CHD6: variants seen among roughly 807,000 people sequenced by gnomAD.
CHD6 encodes the protein ATP-dependent chromatin remodeler CHD6.
A neutral mutation model predicts 276.9 loss-of-function variants in CHD6; 50 were observed. The observed-to-expected ratio is 0.18, with a 90% CI of 0.14 to 0.23. The LOEUF (loss-of-function observed/expected upper bound fraction) is 0.23, where lower values mean the gene tolerates loss of function less well. CHD6 is among the 10% of genes least tolerant of loss of function. The pLI, the probability that CHD6 is intolerant of heterozygous loss-of-function variation, is 1.00. For missense variants in CHD6, 2,564 were observed against 3,365.8 expected (o/e 0.76, Z 5.89); for synonymous variants, 1,173 against 1,229.3 (o/e 0.95, Z 0.96).
At chr20:41,540,500 A>AGACAATCCATGTTTCTCCC (rs2044920496) in intron 2 of CHD6, among the ~76,000 whole-genome samples, 1 of 152,254 alleles carries the variant, frequency 6.6e-6, no homozygotes, top group Non-Finnish European at 1.5e-5. Flanking sequence ...CTGTTTTACC[A>AGACAATCCATGTTTCTCCC]GACAATCCAT....
At chr20:41,574,728 T>A (rs150892054) in intron 1 of CHD6, among the ~76,000 whole-genome samples, 1 of 152,304 alleles carries the variant, frequency 6.6e-6, no homozygotes, top group East Asian at 1.9e-4. Flanking sequence ...GGCTGTTTTA[T>A]CTTGTAAGCC....
chr20:41,472,748 C>A (rs574813911), intron 17 of CHD6, among the ~76,000 whole-genome samples: 45 of 152,240 alleles, frequency 3.0e-4, no homozygotes, highest in African/African-American at 1.1e-3. Context: ...CCAATCTTTG[C>A]AGTAATCTTT....
chr20:41,579,516 C>T (rs1001865592), intron 1 of CHD6, among the ~76,000 whole-genome samples: 15 of 151,254 alleles, frequency 9.9e-5, no homozygotes, highest in Non-Finnish European at 7.4e-5. Flanking sequence ...GTCTGGCCAC[C>T]GTCCATGAGG....
Position 41,443,228 on chromosome 20 carries a change from A to C in CHD6, c.3877+2437T>G, listed in dbSNP as rs189103130. ...TCCCCAAAACTGCTTCAACGAGCAG[A>C]AGAATTTGGGAGCGACCTTATGTAT... On this transcript the variant is annotated intron_variant, in intron 25 of 36. Transcript: ENST00000373233. Among the ~76,000 whole-genome samples, 18 of 152,350 alleles carry C rather than the reference A, an allele frequency of 1.2e-4. No individual in the cohort carries two copies. The East Asian group carries it at 2.1e-3, about 18-fold the overall frequency.
At chr20:41,491,262 T>A (rs1005190223) in intron 11 of CHD6, among the ~76,000 whole-genome samples, 4 of 150,508 alleles carry the variant, frequency 2.7e-5, no homozygotes, top group Admixed American at 2.0e-4. Flanking sequence ...CAAGAAGTTT[T>A]AAAATATTTA....
intron 35 of CHD6, among the ~76,000 whole-genome samples, chr20:41,412,678 A>C (rs781487421): frequency 6.6e-6 from 1 of 152,144 alleles, no homozygotes; most frequent in Admixed American, 6.5e-5. Context: ...CTCTACCTAC[A>C]TATCTTATTA....
At chr20:41,443,029 TGA>T (rs2047947418) in intron 25 of CHD6, among the ~76,000 whole-genome samples, 1 of 152,238 alleles carries the variant, frequency 6.6e-6, no homozygotes, top group South Asian at 2.1e-4. Flanking sequence ...TCCTGTACAA[TGA>T]GACACTTCAG....
intron 31 of CHD6, among the ~76,000 whole-genome samples, chr20:41,420,183 G>A (rs764724627): frequency 2.0e-5 from 3 of 152,192 alleles, no homozygotes; most frequent in Non-Finnish European, 4.4e-5. Flanking sequence ...CCAGTTTGAA[G>A]CACCTTATCT....
Position 41,491,704 on chromosome 20 carries a change from T to C in CHD6, c.1430A>G (p.Tyr477Cys). 6.2e-7 allele frequency: 1 copy of C among 1,613,840 alleles called. No individual in the cohort carries two copies. Among genetic ancestry groups the C allele is most frequent in the Non-Finnish European group, 8.5e-7 (1 of 1,179,806 alleles). Residue 477 changes from tyrosine (Y) to cysteine (C), a missense_variant, in exon 11 of 37, where the codon TAT becomes TGT. By Grantham distance (194) the Tyr-to-Cys change is radical. This residue lies in a region of CHD6 where 457 missense variants were observed against 889.0 expected (regional missense o/e 0.51). Coordinates refer to ENST00000373233, the MANE Select transcript of CHD6 (RefSeq NM_032221.5). Reference protein sequence around the residue: ...EGMNWLLFNWYNRKNCILADE... With the variant: ...EGMNWLLFNWCNRKNCILADE... ...GCTGGTTTTGGTTCCTTACCTGTTA[T>C]ACCAGTTAAAAAGAAGCCAGTTCAT...
chr20:41,403,819 C>T lies in CHD6; in HGVS notation c.*774G>A. On this transcript the variant is annotated 3_prime_UTR_variant, in exon 37 of 37. Transcript: ENST00000373233. The stretch of plus-strand genomic sequence containing the variant: ...TGAAGCAGCGTGTAGCTCTACGGAG[C>T]GCGGGTCCTTGCCCCACCCCCGTCG... The T allele has an allele frequency of 4.7e-6, 5 of 1,057,168 alleles. No individual in the cohort carries two copies. Among genetic ancestry groups the T allele is most frequent in the African/African-American group, 1.6e-5 (1 of 60,640 alleles). The allele number at this position is 1,057,168 out of a possible 1,614,324, so 65.5% of individuals were successfully genotyped here.
At chr20:41,504,077 CAAAAA>C (rs1189323419) in intron 5 of CHD6, among the ~76,000 whole-genome samples, 64 of 27,090 alleles carry the variant, frequency 2.4e-3, no homozygotes, top group African/African-American at 5.1e-3. Flanking sequence ...GACTCTGTCT[CAAAAA>C]AAAAAAAAAA....
rs76837504 is a variant in CHD6 at position 41,566,591 on chromosome 20, A to T, written c.-23-15231T>A. ...CATGTGCAGTTCCTTCTTATGCCCA[A>T]GTAGAGGATTTCCATTTCTTGCCAG... is the stretch of plus-strand genomic sequence containing the variant. On this transcript the variant is annotated intron_variant, in intron 1 of 36. Transcript: ENST00000373233. Among the ~76,000 whole-genome samples, 3 of 152,190 alleles carry T rather than the reference A, an allele frequency of 2.0e-5. No homozygotes were observed. In the East Asian group the frequency reaches 5.8e-4, roughly 29 times the overall value.
At chr20:41,486,819 T>A (rs1322674875) in intron 14 of CHD6, among the ~76,000 whole-genome samples, 1 of 152,126 alleles carries the variant, frequency 6.6e-6, no homozygotes, top group Non-Finnish European at 1.5e-5. Context: ...CACTAGTGAA[T>A]AACTACCATG....
intron 1 of CHD6, among the ~76,000 whole-genome samples, chr20:41,612,806 G>A (rs1407165792): frequency 6.6e-6 from 1 of 152,156 alleles, no homozygotes; most frequent in East Asian, 1.9e-4. Context: ...AATGCCCTTC[G>A]CAATCTGCCT....
intron 5 of CHD6, among the ~76,000 whole-genome samples, chr20:41,502,509 T>G: frequency 6.6e-6 from 1 of 152,248 alleles, no homozygotes; most frequent in East Asian, 1.9e-4. Context: ...TTGACTATCC[T>G]TATGGCAATA....
chr20:41,425,818 C>A (rs1021206723), intron 28 of CHD6, among the ~76,000 whole-genome samples: 2 of 151,718 alleles, frequency 1.3e-5, no homozygotes, highest in African/African-American at 2.4e-5. Context: ...ACAAAAAAAA[C>A]CCGATGTCAT....
intron 1 of CHD6, among the ~76,000 whole-genome samples, chr20:41,577,971 G>A (rs979148938): frequency 1.3e-5 from 2 of 152,074 alleles, no homozygotes; most frequent in Non-Finnish European, 2.9e-5. Context: ...ACAGTGTCTG[G>A]CACATAGAAA....
intron 17 of CHD6, among the ~76,000 whole-genome samples, chr20:41,469,272 A>G (rs1014334996): frequency 6.6e-6 from 1 of 152,160 alleles, no homozygotes; most frequent in East Asian, 1.9e-4. Context: ...GGACCTTAGC[A>G]GCAGGAAGGA....
At chr20:41,408,190 T>C (rs1029518058) in intron 36 of CHD6, among the ~76,000 whole-genome samples, 16 of 150,220 alleles carry the variant, frequency 1.1e-4, no homozygotes, top group African/African-American at 3.7e-4. Context: ...CCCCTGAAAC[T>C]GTTATATTTA....
Sources: gnomAD v4.1 joint callset for allele counts (sites outside exome capture counted in the v4.1 genomes callset) on GRCh38, gnomAD v4.1.1 for gene constraint, gnomAD v4.1.1 regional missense constraint, MANE v1.5 for transcripts, NCBI Gene and HGNC (gene_info 2026-07-23, HGNC 2026-07-21) for gene names.